Variants in RELN observed in about 807,000 individuals in gnomAD.
RELN encodes reelin.
In RELN, 108 loss-of-function variants were observed where a neutral mutation model predicts 427.6. The ratio of observed to expected loss-of-function variants is 0.25; its 90% CI spans 0.22 to 0.30. The LOEUF is 0.30. Among genes scored for constraint, RELN ranks in the 10% least tolerant of loss-of-function variants. The pLI is 1.00. For missense variants in RELN, 3,715 were observed against 4,302.8 expected (o/e 0.86, Z 3.82); for synonymous variants, 1,524 against 1,513.4 (o/e 1.01, Z -0.16).
chr7:103,625,003 T>C (rs1002232807), intron 20 of RELN, among the ~76,000 whole-genome samples: 5 of 152,224 alleles, frequency 3.3e-5, no homozygotes, highest in Admixed American at 6.5e-5. Context: ...TTTAGTTATA[T>C]CTGCTGTTCC....
At chr7:103,875,059 C>G (rs1794446295) in intron 2 of RELN, among the ~76,000 whole-genome samples, 1 of 145,362 alleles carries the variant, frequency 6.9e-6, no homozygotes, top group South Asian at 2.5e-4. Flanking sequence ...CGCCGCATAC[C>G]TACAACTATC....
At chr7:103,729,109 C>T (rs1790287551) in intron 6 of RELN, among the ~76,000 whole-genome samples, 1 of 152,154 alleles carries the variant, frequency 6.6e-6, no homozygotes, top group African/African-American at 2.4e-5. Flanking sequence ...ACAATCATTA[C>T]ATTCCTAACA....
At chr7:103,841,967 G>A (rs1167186749) in intron 2 of RELN, among the ~76,000 whole-genome samples, 2 of 151,690 alleles carry the variant, frequency 1.3e-5, no homozygotes, top group Non-Finnish European at 2.9e-5. Flanking sequence ...CTGTGGATAG[G>A]GTATTACCAA....
intron 10 of RELN, among the ~76,000 whole-genome samples, chr7:103,690,396 G>A (rs1833849194): frequency 6.6e-6 from 1 of 152,080 alleles, no homozygotes; most frequent in South Asian, 2.1e-4. Context: ...CTACAGGGAG[G>A]AAGAATGTGC....
At chr7:103,517,512 C>T (rs553801138) in intron 49 of RELN, among the ~76,000 whole-genome samples, 2 of 152,278 alleles carry the variant, frequency 1.3e-5, no homozygotes, top group East Asian at 3.9e-4. Context: ...GACAGTTATG[C>T]TTTTACCCTA....
intron 1 of RELN, among the ~76,000 whole-genome samples, chr7:103,933,249 C>G (rs1469066360): frequency 6.6e-6 from 1 of 152,080 alleles, no homozygotes; most frequent in Non-Finnish European, 1.5e-5. Flanking sequence ...TATGCATTAC[C>G]TTTGTTTTTG....
At chr7:103,818,621 GA>G (rs1360864709) in intron 3 of RELN, among the ~76,000 whole-genome samples, 4 of 152,142 alleles carry the variant, frequency 2.6e-5, no homozygotes, top group African/African-American at 9.7e-5. Context: ...CTTTCGTAAT[GA>G]AAAGAGCATT....
chr7:103,731,261 G>C (rs1488990323), intron 6 of RELN, among the ~76,000 whole-genome samples: 2 of 152,092 alleles, frequency 1.3e-5, no homozygotes, highest in African/African-American at 4.8e-5. Context: ...AAAGATGAGT[G>C]TGTGATAGGG....
At chr7:103,552,884 G>C (rs55837573) in intron 40 of RELN, among the ~76,000 whole-genome samples, 1 of 151,718 alleles carries the variant, frequency 6.6e-6, no homozygotes, top group East Asian at 1.9e-4. Flanking sequence ...ATTCTAAAAC[G>C]CTGGTATAAT....
chr7:103,493,157 G>C (rs1828723599), intron 57 of RELN, among the ~76,000 whole-genome samples: 1 of 152,206 alleles, frequency 6.6e-6, no homozygotes, highest in African/African-American at 2.4e-5. Context: ...TGGAGAGAGA[G>C]AGATTGGGAG....
intron 3 of RELN, among the ~76,000 whole-genome samples, chr7:103,801,901 T>A (rs1792478309): frequency 6.6e-6 from 1 of 152,192 alleles, no homozygotes; most frequent in Non-Finnish European, 1.5e-5. Context: ...TAGTAATTAG[T>A]AGTACTAGCA....
rs549551575 is a variant in RELN, at chr7:103,853,637, A to AT, written c.338-19966dup. On this transcript the variant is annotated intron_variant, in intron 2 of 64. Transcript: ENST00000428762. ...TTCTAATTGAAAAGAACAGCAAATA[A>AT]TTTTTTTTTTAAATTCATTTATATA... 6.7e-3 allele frequency among the ~76,000 whole-genome samples: 1,008 copies of AT among 150,736 alleles called. 7 individuals are homozygous for AT. Among genetic ancestry groups the AT allele is most frequent in the African/African-American group, 0.022 (927 of 41,236 alleles).
chr7:103,742,094 C>T (rs969800652), intron 6 of RELN, among the ~76,000 whole-genome samples: 2 of 152,168 alleles, frequency 1.3e-5, no homozygotes, highest in African/African-American at 4.8e-5. Flanking sequence ...CAGGCAGCAA[C>T]ATTTGAGGTT....
At chr7:103,728,876 A>G (rs905048163) in intron 6 of RELN, among the ~76,000 whole-genome samples, 1 of 152,174 alleles carries the variant, frequency 6.6e-6, no homozygotes. Flanking sequence ...TAATTCAAGC[A>G]CATTTTGGAT....
intron 52 of RELN, 65 bp downstream of exon 52, chr7:103,502,951 C>G: frequency 7.6e-7 from 1 of 1,311,504 alleles, no homozygotes; most frequent in Non-Finnish European, 1.1e-6. Flanking sequence ...GGCATGACAA[C>G]AGTGTACCTA....
chr7:103,667,548 G>A (rs1029015384), intron 11 of RELN, among the ~76,000 whole-genome samples: 1 of 152,178 alleles, frequency 6.6e-6, no homozygotes, highest in African/African-American at 2.4e-5. Context: ...TAAATATAAT[G>A]TTTATTAGCC....
intron 12 of RELN, among the ~76,000 whole-genome samples, chr7:103,656,772 A>G (rs1406080368): frequency 6.6e-6 from 1 of 152,092 alleles, no homozygotes; most frequent in African/African-American, 2.4e-5. Flanking sequence ...ATTATTAATA[A>G]TAACATAAGG....
In RELN at chr7:103,921,708, T is replaced by G. The variant is rs117893897; in HGVS notation, c.227-4523A>C. On this transcript the variant is annotated intron_variant, in intron 1 of 64. Coordinates refer to ENST00000428762, the MANE Select transcript of RELN (RefSeq NM_005045.4). Reference sequence around the variant, plus strand: ...TCTTCAATGTGGTTTCAAAGACCTTTGGGTTGTGGCCATAACTAGTCCCTC... The same window carrying G: ...TCTTCAATGTGGTTTCAAAGACCTTGGGGTTGTGGCCATAACTAGTCCCTC... Among the ~76,000 whole-genome samples the G allele has an allele frequency of 9.6e-3, 1,457 of 152,346 alleles. 6 individuals are homozygous for G. Among genetic ancestry groups the G allele is most frequent in the Non-Finnish European group, 0.014 (959 of 68,030 alleles).
intron 11 of RELN, among the ~76,000 whole-genome samples, chr7:103,676,954 G>A (rs1833541671): frequency 6.6e-6 from 1 of 151,598 alleles, no homozygotes; most frequent in South Asian, 2.1e-4. Flanking sequence ...TGAGTTAATG[G>A]GTGCAGCACA....
Sources: gnomAD v4.1 joint callset for allele counts (sites outside exome capture counted in the v4.1 genomes callset) on GRCh38, gnomAD v4.1.1 for gene constraint, MANE v1.5 for transcripts, NCBI Gene and HGNC (gene_info 2026-07-23, HGNC 2026-07-21) for gene names.